FCSK: variants seen among roughly 807,000 people sequenced by gnomAD.
FCSK encodes the protein fucose kinase.
FCSK carries 123 observed loss-of-function variants against 122.5 expected under a neutral mutation model. The ratio of observed to expected loss-of-function variants is 1.00; its 90% confidence interval spans 0.87 to 1.17. The LOEUF is 1.17. Ranked by LOEUF, FCSK falls within the 50% of genes most tolerant of loss-of-function variation. FCSK has a pLI of 0.00. For synonymous variants in FCSK, 620 were observed against 625.5 expected, an observed-to-expected ratio of 0.99 and a Z score of 0.13; for missense variants, 1,366 against 1,450.4, an observed-to-expected ratio of 0.94 and a Z score of 0.95.
At position 70,463,643 on chromosome 16, in the gene FCSK, C is replaced by T. The variant is rs781385329; in HGVS notation, c.103C>T (p.Arg35Trp). 4.5e-5 allele frequency: 72 copies of T among 1,613,390 alleles called. No homozygotes were observed. Among genetic ancestry groups the T allele is most frequent in the East Asian group, 8.9e-5 (4 of 44,894 alleles). The change falls in exon 3 of 24, where the codon CGG becomes TGG. Residue 35 changes from arginine to tryptophan, a missense_variant. Arg to Trp is a moderately radical substitution (Grantham distance 101, BLOSUM62 -3). Coordinates refer to ENST00000288078, the MANE Select transcript of FCSK (RefSeq NM_145059.3). Reference protein sequence around the residue: ...FQRELEVRQKREQIPAGTLLL... With the variant: ...FQRELEVRQKWEQIPAGTLLL... ...CCTAGAACTGGAAGTGCGGCAGAAG[C>T]GGGAGCAGATCCCTGCTGGGACGCT...
At chr16:70,456,746 C>T (rs1351933838) in intron 1 of FCSK, among the ~76,000 whole-genome samples, 1 of 152,138 alleles carries the variant, frequency 6.6e-6, no homozygotes, top group African/African-American at 2.4e-5. Flanking sequence ...AACTGCTGGG[C>T]ATGGTGGCTC....
At chr16:70,461,079 G>A (rs1363503582) in intron 1 of FCSK, among the ~76,000 whole-genome samples, 2 of 152,210 alleles carry the variant, frequency 1.3e-5, no homozygotes, top group African/African-American at 4.8e-5. Context: ...TCTGACAGAG[G>A]CTTTTCCTGA....
intron 8 of FCSK, 108 bp downstream of exon 8, chr16:70,468,074 C>T (rs1299191503): frequency 2.4e-6 from 2 of 841,828 alleles, no homozygotes; most frequent in Admixed American, 2.0e-5. Context: ...CAAGCTAGAG[C>T]TAGAATCTGA....
chr16:70,470,263 C>T (rs2048568214), intron 10 of FCSK, 51 bp from the exon 11 acceptor site: 4 of 1,288,956 alleles, frequency 3.1e-6, no homozygotes, highest in Non-Finnish European at 3.3e-6. Context: ...GCAGCCTGGC[C>T]CCTGAGTCGC....
At position 70,473,906 on chromosome 16, in the gene FCSK, C is replaced by T. The variant is rs952433808; in HGVS notation, c.1778-223C>T. On this transcript the variant is annotated intron_variant, in intron 15 of 23. Coordinates refer to ENST00000288078, the MANE Select transcript of FCSK (RefSeq NM_145059.3). The surrounding 1 kb of genome is among the most constrained non-coding windows in gnomAD (Gnocchi z 4.9). ...TGAGCTCTTCACCACTATGGGTGTC[C>T]TGGGTGGGGGTGAAGAGACACCTAT... Among the ~76,000 whole-genome samples, 8 of 152,142 alleles carry T rather than the reference C, an allele frequency of 5.3e-5. No individual in the cohort carries two copies. Among genetic ancestry groups the T allele is most frequent in the Non-Finnish European group, 1.0e-4 (7 of 68,020 alleles).
intron 11 of FCSK, 36 bp from the exon 12 acceptor site, chr16:70,470,935 C>G (rs2099539): frequency 2.0e-6 from 3 of 1,529,292 alleles, no homozygotes; most frequent in Non-Finnish European, 2.6e-6. Context: ...CCCTGGGCCT[C>G]GACCCCCCTC....
At chr16:70,469,032 C>T in intron 9 of FCSK, 64 bp downstream of exon 9, 1 of 1,606,508 alleles carries the variant, frequency 6.2e-7, no homozygotes, top group African/African-American at 1.3e-5. Flanking sequence ...TGACCTCAGG[C>T]CAGCCACTTC....
rs757261546 is a variant in FCSK, at chr16:70,468,902, C to T, written c.717C>T (p.Thr239=). ...SVETAERLLA[T]HVSPPLDACT... ...AGACTGCCGAGCGCCTCCTAGCCAC[C>T]CACGTGAGCCCGCCCCTGGATGCCT... The change falls in exon 9 of 24, where the codon ACC becomes ACT. Residue 239 remains threonine, a synonymous_variant. Coordinates refer to ENST00000288078, the MANE Select transcript of FCSK (RefSeq NM_145059.3). The T allele has an allele frequency of 1.2e-6, 2 of 1,614,024 alleles. No homozygotes were observed. The highest frequency in any genetic ancestry group is 1.7e-6 in the Non-Finnish European group (2 of 1,180,004).
rs554803198 is a variant in FCSK at position 70,479,575 on chromosome 16, C to A, written c.3154-4C>A. On this transcript the variant is annotated splice_region_variant and splice_polypyrimidine_tract_variant and intron_variant, in intron 23 of 23. Coordinates refer to ENST00000288078, the MANE Select transcript of FCSK (RefSeq NM_145059.3). ...GCCTTCTAAATACTTCCTGTCTTGT[C>A]CAGGGCCTTGGGAATTACAGCATCC... is the stretch of plus-strand genomic sequence containing the variant. The A allele has an allele frequency of 1.4e-5, 22 of 1,612,916 alleles. No individual in the cohort carries two copies. Among genetic ancestry groups the A allele is most frequent in the Non-Finnish European group, 1.8e-5 (21 of 1,179,116 alleles).
chr16:70,474,809 AC>A lies in FCSK; in HGVS notation c.2179del (p.Ala728ProfsTer44). 1.3e-6 allele frequency: 2 copies of A among 1,581,950 alleles called. No individual in the cohort carries two copies. The highest frequency in any genetic ancestry group is 2.3e-5 in the South Asian group (2 of 87,196). On this transcript the variant is annotated frameshift_variant, in exon 18 of 24. Coordinates refer to ENST00000288078, the MANE Select transcript of FCSK (RefSeq NM_145059.3). LOFTEE classifies it high-confidence loss of function. ...CCATAGGGGGCTGGAGTGACACGCCACCCCTTGCCTATGAGCTTGGCGGGGC... is the reference window on the plus strand; with the variant it reads ...CCATAGGGGGCTGGAGTGACACGCCACCCTTGCCTATGAGCTTGGCGGGGC... ...DFSGGWSDTP[P>X]LAYELGGAVL...
In FCSK at chr16:70,454,683, T is replaced by TTGCGCCCCTTGCGCCCCCTGCGCCCCC. The variant is rs1555564904; in HGVS notation, c.-23+61_-23+62insTTGCGCCCCCTGCGCCCCCTGCGCCCC. On this transcript the variant is annotated intron_variant, in intron 1 of 23. Transcript: ENST00000288078. ...GCGCCCCTTGCGCCCCTTGCGCCCCTTGCGCCCCCTCAGCTTTCCGGTGCA... is the reference window on the plus strand; with the variant it reads ...GCGCCCCTTGCGCCCCTTGCGCCCCTTGCGCCCCTTGCGCCCCCTGCGCCCCCTGCGCCCCCTCAGCTTTCCGGTGCA... 49 of 150,358 alleles carry TTGCGCCCCTTGCGCCCCCTGCGCCCCC rather than the reference T, an allele frequency of 3.3e-4. 1 individual carries two copies. Among genetic ancestry groups the TTGCGCCCCTTGCGCCCCCTGCGCCCCC allele is most frequent in the African/African-American group, 1.1e-3 (45 of 40,616 alleles). 9.3% of individuals were successfully genotyped at this position (150,358 alleles called of 1,614,324 possible). A position where few individuals can be genotyped will look rare whatever the true frequency, so the allele number is the denominator to read the frequency against.
chr16:70,479,844 C>A lies in FCSK; in HGVS notation c.*164C>A. 1 of 591,222 alleles carries A rather than the reference C, an allele frequency of 1.7e-6. No individual in the cohort carries two copies. The highest frequency in any genetic ancestry group is 3.0e-6 in the Non-Finnish European group (1 of 333,570). The allele number at this position is 591,222 out of a possible 1,614,324, so 36.6% of individuals were successfully genotyped here. A position where few individuals can be genotyped will look rare whatever the true frequency, so the allele number is the denominator to read the frequency against. ...CTGGGCAAGCAGAGAGTGCCTGGGACAGGACTGTGACCTGGTGGACAGGGG... is the reference window on the plus strand; with the variant it reads ...CTGGGCAAGCAGAGAGTGCCTGGGAAAGGACTGTGACCTGGTGGACAGGGG... On this transcript the variant is annotated 3_prime_UTR_variant, in exon 24 of 24. Coordinates refer to ENST00000288078, the MANE Select transcript of FCSK (RefSeq NM_145059.3).
intron 18 of FCSK, 36 bp downstream of exon 18, chr16:70,475,047 C>T: frequency 1.3e-6 from 2 of 1,539,258 alleles, no homozygotes; most frequent in Admixed American, 1.9e-5. Context: ...GTGGGGCTGG[C>T]CAGCTGGGGG....
intron 5 of FCSK, chr16:70,466,612 G>A (rs2048425802): frequency 9.6e-6 from 5 of 518,726 alleles, no homozygotes; most frequent in East Asian, 3.2e-5. Context: ...CAGGAAGATC[G>A]CTTGAGCCCA....
intron 20 of FCSK, 184 bp from the exon 21 acceptor site, chr16:70,478,088 T>A (rs2048870575): frequency 1.6e-6 from 1 of 610,582 alleles, no homozygotes; most frequent in Admixed American, 3.0e-5. Context: ...TGCCCTAGAG[T>A]GAAGCCCATT....
intron 1 of FCSK, among the ~76,000 whole-genome samples, chr16:70,460,413 C>CT (rs1178026582): frequency 8.8e-5 from 12 of 136,262 alleles, no homozygotes; most frequent in South Asian, 2.4e-4. Context: ...GCCTGGACTT[C>CT]TTTTTTTTTG....
chr16:70,473,173 C>A lies in FCSK; in HGVS notation c.1597C>A (p.Leu533Met). 1 of 1,542,678 alleles carries A rather than the reference C, an allele frequency of 6.5e-7. No homozygotes were observed. Among genetic ancestry groups the A allele is most frequent in the Non-Finnish European group, 8.7e-7 (1 of 1,147,350 alleles). The change falls in exon 15 of 24, where the codon CTG (leucine) becomes ATG (methionine). Residue 533 changes from leucine to methionine, a missense_variant. Leu to Met is a conservative substitution (Grantham distance 15). Transcript: ENST00000288078. This position sits in a 1 kb window ranked among gnomAD's most constrained non-coding sequence, Gnocchi z 4.9. ...RASWRLSWEQLQPCLDRAATL... is the reference protein window; with the variant it reads ...RASWRLSWEQMQPCLDRAATL... ...CTCCTGGCGCCTGTCCTGGGAGCAG[C>A]TGCAGCCGTGCCTGGATCGGGCTGC...
intron 4 of FCSK, 140 bp downstream of exon 4, chr16:70,465,316 A>G: frequency 1.2e-6 from 1 of 831,340 alleles, no homozygotes; most frequent in Non-Finnish European, 1.8e-6. Flanking sequence ...AAATTGGGAA[A>G]TGGCTAAATA....
intron 5 of FCSK, 107 bp from the exon 6 acceptor site, chr16:70,466,775 T>A (rs1479900079): frequency 5.3e-6 from 5 of 945,392 alleles, no homozygotes; most frequent in Non-Finnish European, 8.1e-6. Flanking sequence ...GCAGACCAGG[T>A]CTTGGAGGCC....
Sources: allele counts gnomAD v4.1 joint callset (sites outside exome capture counted in the v4.1 genomes callset), GRCh38; gene constraint gnomAD v4.1.1; non-coding constraint Gnocchi (gnomAD v3.1); transcripts MANE v1.5; gene names NCBI Gene and HGNC (gene_info 2026-07-23, HGNC 2026-07-21).